STAG1: variants seen among roughly 807,000 people sequenced by gnomAD.
STAG1 encodes the protein STAG1 cohesin complex component.
Under a neutral mutation model 170.9 loss-of-function variants are expected in STAG1, and 26 were observed. The observed-to-expected ratio is 0.15, with a 90% CI of 0.11 to 0.21. The LOEUF (loss-of-function observed/expected upper bound fraction) is 0.21, where lower values mean the gene tolerates loss of function less well. Ranked by LOEUF, STAG1 falls within the 10% of genes least tolerant of loss-of-function variation. The pLI, the probability that STAG1 is intolerant of heterozygous loss-of-function variation, is 1.00. For synonymous variants in STAG1, 514 were observed against 497.7 expected, an observed-to-expected ratio of 1.03 and a Z score of -0.44; for missense variants, 964 against 1,509.5, an observed-to-expected ratio of 0.64 and a Z score of 5.99.
intron 21 of STAG1, among the ~76,000 whole-genome samples, chr3:136,403,329 T>C (rs982938371): frequency 4.6e-5 from 7 of 150,896 alleles, no homozygotes; most frequent in African/African-American, 1.7e-4. Flanking sequence ...TGCGCTGCCT[T>C]TGGTGCAAAA....
At chr3:136,662,858 C>T (rs1016289341) in intron 1 of STAG1, among the ~76,000 whole-genome samples, 1 of 152,180 alleles carries the variant, frequency 6.6e-6, no homozygotes, top group Non-Finnish European at 1.5e-5. Flanking sequence ...TCAAGACCAG[C>T]TTTGCCAACA....
chr3:136,348,258 C>G (rs1576376705), intron 29 of STAG1, among the ~76,000 whole-genome samples: 1 of 149,652 alleles, frequency 6.7e-6, no homozygotes, highest in African/African-American at 2.5e-5. Flanking sequence ...GTAATTTTAA[C>G]AGGAATGCTT....
chr3:136,644,074 C>G (rs1237603279), intron 1 of STAG1, among the ~76,000 whole-genome samples: 2 of 152,100 alleles, frequency 1.3e-5, no homozygotes, highest in Non-Finnish European at 2.9e-5. Context: ...CTGAAGGACA[C>G]AGTAAACCAC....
chr3:136,628,350 T>C (rs558753366), intron 2 of STAG1, among the ~76,000 whole-genome samples: 12 of 152,280 alleles, frequency 7.9e-5, no homozygotes, highest in African/African-American at 2.4e-4. Context: ...ATAATACACA[T>C]AGTGAAGAGA....
At chr3:136,379,803 T>C (rs1482640510) in intron 22 of STAG1, among the ~76,000 whole-genome samples, 1 of 152,142 alleles carries the variant, frequency 6.6e-6, no homozygotes, top group Non-Finnish European at 1.5e-5. Context: ...GAAAAAAAGC[T>C]AAAGAAGAAT....
intron 1 of STAG1, among the ~76,000 whole-genome samples, chr3:136,743,266 G>A (rs908023124): frequency 2.0e-5 from 3 of 151,956 alleles, no homozygotes; most frequent in African/African-American, 7.3e-5. Flanking sequence ...TACTCGGGAG[G>A]CTGAGGCAGG....
At chr3:136,372,070 A>G (rs1302102954) in intron 23 of STAG1, among the ~76,000 whole-genome samples, 2 of 152,146 alleles carry the variant, frequency 1.3e-5, no homozygotes, top group African/African-American at 4.8e-5. Flanking sequence ...GAGGTCCTTC[A>G]CATCCCTTGT....
intron 4 of STAG1, among the ~76,000 whole-genome samples, chr3:136,580,999 A>G (rs540237082): frequency 1.3e-5 from 2 of 152,052 alleles, no homozygotes; most frequent in East Asian, 3.9e-4. Context: ...CACAATTATA[A>G]GAGAAAGAAA....
chr3:136,674,870 C>T (rs1239234791), intron 1 of STAG1, among the ~76,000 whole-genome samples: 1 of 152,068 alleles, frequency 6.6e-6, no homozygotes, highest in Non-Finnish European at 1.5e-5. Context: ...ATTCTACAGC[C>T]AGCCCTGAAC....
chr3:136,671,395 T>C (rs990932464), intron 1 of STAG1, among the ~76,000 whole-genome samples: 1 of 152,156 alleles, frequency 6.6e-6, no homozygotes, highest in African/African-American at 2.4e-5. Context: ...ATTCTCATAC[T>C]CTATTTGGGT....
Position 136,398,728 on chromosome 3 carries a change from C to T in STAG1, c.2277+21G>A, listed in dbSNP as rs1333078080. On this transcript the variant is annotated intron_variant, in intron 22 of 33. Coordinates refer to ENST00000383202, the MANE Select transcript of STAG1 (RefSeq NM_005862.3). ...TATTATTTCAGTAATAACCCTTCTG[C>T]CTACAGAAACTCTTACTTACTTTGG... 3.3e-6 allele frequency: 5 copies of T among 1,528,176 alleles called. No homozygotes were observed. The African/African-American group carries it at 6.9e-5, about 21-fold the overall frequency. 94.7% of individuals were successfully genotyped at this position (1,528,176 alleles called of 1,614,324 possible).
chr3:136,388,389 G>A (rs545728899), intron 22 of STAG1, among the ~76,000 whole-genome samples: 2 of 152,104 alleles, frequency 1.3e-5, no homozygotes, highest in Non-Finnish European at 2.9e-5. Flanking sequence ...GTTTTTTTGA[G>A]ATGGAGTCTC....
chr3:136,662,153 C>CTTTTTT (rs398082483), intron 1 of STAG1, among the ~76,000 whole-genome samples: 1 of 141,170 alleles, frequency 7.1e-6, no homozygotes, highest in Admixed American at 7.1e-5. Context: ...CAGTTAGACT[C>CTTTTTT]TTTTTTTTTT....
intron 1 of STAG1, among the ~76,000 whole-genome samples, chr3:136,645,149 A>T (rs542041529): frequency 6.6e-6 from 1 of 152,272 alleles, no homozygotes; most frequent in East Asian, 1.9e-4. Context: ...TTTGCTTTTT[A>T]AGTCCCAAAA....
At chr3:136,465,863 T>C (rs1336955794) in intron 12 of STAG1, among the ~76,000 whole-genome samples, 1 of 152,068 alleles carries the variant, frequency 6.6e-6, no homozygotes, top group South Asian at 2.1e-4. Flanking sequence ...AATTAAACCC[T>C]ATAAGACCTA....
intron 6 of STAG1, among the ~76,000 whole-genome samples, 200 bp downstream of exon 6, chr3:136,541,918 AT>A (rs1935923728): frequency 6.6e-6 from 1 of 152,172 alleles, no homozygotes. Flanking sequence ...CCTGCCAGTA[AT>A]TATTCAATAC....
At chr3:136,479,300 T>G (rs1173490066) in intron 9 of STAG1, among the ~76,000 whole-genome samples, 1 of 131,304 alleles carries the variant, frequency 7.6e-6, no homozygotes, top group East Asian at 2.4e-4. Context: ...ATTGTTCAAT[T>G]CCCACCTATG....
At chr3:136,513,317 A>C (rs983978078) in intron 7 of STAG1, among the ~76,000 whole-genome samples, 12 of 151,992 alleles carry the variant, frequency 7.9e-5, no homozygotes, top group African/African-American at 2.2e-4. Context: ...AGATCGTGCC[A>C]CCGTACTCCA....
chr3:136,369,335 G>A, intron 23 of STAG1, 53 bp from the exon 24 acceptor site: 1 of 1,392,526 alleles, frequency 7.2e-7, no homozygotes. Flanking sequence ...ATAACTACAA[G>A]TCAACATTAA....
Sources: gnomAD v4.1 joint callset for allele counts (sites outside exome capture counted in the v4.1 genomes callset) on GRCh38, gnomAD v4.1.1 for gene constraint, MANE v1.5 for transcripts, NCBI Gene and HGNC (gene_info 2026-07-23, HGNC 2026-07-21) for gene names.